Variants in LIPC observed in about 807,000 individuals in gnomAD.
LIPC encodes lipase C, hepatic type.
Under a neutral mutation model 50.7 loss-of-function variants are expected in LIPC, and 44 were observed. The ratio of observed to expected loss-of-function variants is 0.87; its 90% CI spans 0.68 to 1.11. The LOEUF (loss-of-function observed/expected upper bound fraction) is 1.11. Among genes scored for constraint, LIPC ranks in the 50% most tolerant of loss-of-function variants. LIPC has a pLI of 0.00. For missense variants in LIPC, 697 were observed against 648.2 expected (o/e 1.08, Z -0.82); for synonymous variants, 271 against 256.4 (o/e 1.06, Z -0.54).
chr15:58,493,727 A>G (rs1254251291), intron 1 of LIPC, among the ~76,000 whole-genome samples: 2 of 148,574 alleles, frequency 1.3e-5, no homozygotes, highest in African/African-American at 4.9e-5. Context: ...TGTATATGTG[A>G]AATATTTTTT....
chr15:58,479,303 G>A lies in LIPC; in HGVS notation c.88+47183G>A, dbSNP rs17269313. 4.0e-3 allele frequency among the ~76,000 whole-genome samples: 610 copies of A among 152,318 alleles called. 3 individuals carry two copies. Among genetic ancestry groups the A allele is most frequent in the Non-Finnish European group, 7.5e-3 (508 of 68,034 alleles). On this transcript the variant is annotated intron_variant, in intron 1 of 8. Coordinates refer to ENST00000299022, the MANE Select transcript of LIPC (RefSeq NM_000236.3). Reference sequence around the variant, plus strand: ...CGAAAACTGTACAAACAGTAGGAAAGGTAATGTTGTGACTGTCATTTATTA... The same window carrying A: ...CGAAAACTGTACAAACAGTAGGAAAAGTAATGTTGTGACTGTCATTTATTA...
intron 6 of LIPC, among the ~76,000 whole-genome samples, chr15:58,559,860 G>C (rs1894099607): frequency 6.6e-6 from 1 of 152,176 alleles, no homozygotes; most frequent in African/African-American, 2.4e-5. Flanking sequence ...AATGAGGTAG[G>C]ATAATTTTCA....
chr15:58,568,980 G>A lies in LIPC; in HGVS notation c.*153G>A. The A allele has an allele frequency of 1.9e-6, 1 of 534,536 alleles. No individual in the cohort carries two copies. 33.1% of individuals were successfully genotyped at this position (534,536 alleles called of 1,614,324 possible). A position where few individuals can be genotyped will look rare whatever the true frequency, so the allele number is the denominator to read the frequency against. ...GGGGTATGTTTCACTCTCATAAACT[G>A]AGCTTTTAAAAACGATATGATATAA... On this transcript the variant is annotated 3_prime_UTR_variant, in exon 9 of 9. Coordinates refer to ENST00000299022, the MANE Select transcript of LIPC (RefSeq NM_000236.3).
At chr15:58,528,141 A>AAAT (rs1892848359) in intron 1 of LIPC, among the ~76,000 whole-genome samples, 1 of 824 alleles carries the variant, frequency 1.2e-3, no homozygotes, top group African/African-American at 1.3e-3. Flanking sequence ...ACTCTGTCTC[A>AAAT]AAAAAAAAAA....
At chr15:58,468,867 C>T (rs1436019807) in intron 1 of LIPC, among the ~76,000 whole-genome samples, 1 of 152,180 alleles carries the variant, frequency 6.6e-6, no homozygotes, top group Non-Finnish European at 1.5e-5. Flanking sequence ...AGTAAATTGG[C>T]TCCTTTCCTC....
chr15:58,519,201 G>A (rs540325225), intron 1 of LIPC, among the ~76,000 whole-genome samples: 1 of 152,190 alleles, frequency 6.6e-6, no homozygotes, highest in South Asian at 2.1e-4. Context: ...GAGGTCAGGA[G>A]ATCGAGACCA....
intron 1 of LIPC, among the ~76,000 whole-genome samples, chr15:58,510,583 T>C (rs1892298242): frequency 6.6e-6 from 1 of 152,186 alleles, no homozygotes. Context: ...GGATTGCCCA[T>C]CAGGCTCTAA....
intron 1 of LIPC, among the ~76,000 whole-genome samples, chr15:58,510,200 T>C (rs576740590): frequency 3.9e-4 from 60 of 152,360 alleles, no homozygotes; most frequent in African/African-American, 1.4e-3. Context: ...AGATACTTTA[T>C]GTCTTCAGTT....
chr15:58,479,112 CA>C (rs1891100885), intron 1 of LIPC, among the ~76,000 whole-genome samples: 1 of 152,214 alleles, frequency 6.6e-6, no homozygotes, highest in African/African-American at 2.4e-5. Context: ...GCTCAGCAAA[CA>C]GTGTGATTTA....
chr15:58,498,121 T>C (rs1326389238), intron 1 of LIPC, among the ~76,000 whole-genome samples: 1 of 152,124 alleles, frequency 6.6e-6, no homozygotes, highest in Non-Finnish European at 1.5e-5. Context: ...ATTAAGAAAG[T>C]GATTAACAGG....
At chr15:58,534,123 T>C (rs1230801081) in intron 1 of LIPC, among the ~76,000 whole-genome samples, 3 of 152,006 alleles carry the variant, frequency 2.0e-5, no homozygotes, top group African/African-American at 7.3e-5. Context: ...ATAGGAAACG[T>C]AGGAAGAAAG....
chr15:58,436,783 A>G (rs1341637367), intron 1 of LIPC: 4 of 456,282 alleles, frequency 8.8e-6, no homozygotes, highest in Admixed American at 4.7e-5. Context: ...AGGAGGCGGC[A>G]TTTGAGTAGG....
intron 1 of LIPC, among the ~76,000 whole-genome samples, chr15:58,463,919 G>A (rs1404206542): frequency 1.3e-4 from 20 of 152,002 alleles, no homozygotes; most frequent in African/African-American, 2.9e-4. Context: ...CTTCTGACCC[G>A]AAAAGCAAAA....
intron 1 of LIPC, among the ~76,000 whole-genome samples, chr15:58,467,607 C>T (rs1262810947): frequency 6.6e-6 from 1 of 152,110 alleles, no homozygotes; most frequent in Non-Finnish European, 1.5e-5. Context: ...GCCTTCCTGC[C>T]GACATTTGCT....
At chr15:58,481,111 G>A (rs186349781) in intron 1 of LIPC, among the ~76,000 whole-genome samples, 1 of 152,224 alleles carries the variant, frequency 6.6e-6, no homozygotes, top group East Asian at 1.9e-4. Flanking sequence ...GATACACTGG[G>A]CCAAAGACAC....
chr15:58,486,305 T>A (rs760727928), intron 1 of LIPC, among the ~76,000 whole-genome samples: 2 of 152,158 alleles, frequency 1.3e-5, no homozygotes, highest in Non-Finnish European at 2.9e-5. Context: ...CTAGTATGAC[T>A]GGGCCTAACG....
At chr15:58,446,352 C>A (rs979870933) in intron 1 of LIPC, among the ~76,000 whole-genome samples, 2 of 152,164 alleles carry the variant, frequency 1.3e-5, no homozygotes, top group South Asian at 2.1e-4. Context: ...ATGCCTCTTA[C>A]TAAGGACATT....
chr15:58,517,032 G>C (rs1424050736), intron 1 of LIPC, among the ~76,000 whole-genome samples: 1 of 152,240 alleles, frequency 6.6e-6, no homozygotes, highest in Non-Finnish European at 1.5e-5. Flanking sequence ...AACTTTGTTA[G>C]ATGGGACCAG....
At chr15:58,486,871 T>C (rs1237072188) in intron 1 of LIPC, among the ~76,000 whole-genome samples, 1 of 152,144 alleles carries the variant, frequency 6.6e-6, no homozygotes, top group Non-Finnish European at 1.5e-5. Context: ...AACAATCAAA[T>C]AGTGAACAGG....
Sources: gnomAD v4.1 joint callset for allele counts (sites outside exome capture counted in the v4.1 genomes callset) on GRCh38, gnomAD v4.1.1 for gene constraint, MANE v1.5 for transcripts, NCBI Gene and HGNC (gene_info 2026-07-23, HGNC 2026-07-21) for gene names.